TBATA: variants seen among roughly 807,000 people sequenced by gnomAD.
The protein encoded by TBATA is protein TBATA.
A neutral mutation model predicts 38.7 loss-of-function variants in TBATA; 47 were observed. The ratio of observed to expected loss-of-function variants is 1.21; its 90% confidence interval spans 0.96 to 1.55. The LOEUF is 1.55. Among genes scored for constraint, TBATA ranks in the 40% most tolerant of loss-of-function variants. The pLI, the probability that TBATA is intolerant of heterozygous loss-of-function variation, is 0.00. For missense variants in TBATA, 436 were observed against 435.6 expected (o/e 1.00, Z -0.01); for synonymous variants, 183 against 170.5 (o/e 1.07, Z -0.57).
At position 70,774,290 on chromosome 10, in the gene TBATA, G is replaced by T; in HGVS notation, c.843C>A (p.Ser281=). Reference sequence around the variant, plus strand: ...GGCTTAGGAGCTTTTCTGTAGGGATGGAGACTAGGGGCTGGGGAAGGAGCT... The same window carrying T: ...GGCTTAGGAGCTTTTCTGTAGGGATTGAGACTAGGGGCTGGGGAAGGAGCT... ...VAQLLPQPLV[S]IPTEKLLSQL... is the part of the protein sequence containing the mutation. The change falls in exon 9 of 11, where the codon TCC becomes TCA. Residue 281 remains serine, a synonymous_variant. Coordinates refer to ENST00000456372, the MANE Select transcript of TBATA (RefSeq NM_001318241.2). 6.2e-7 allele frequency: 1 copy of T among 1,610,028 alleles called. No homozygotes were observed. The highest frequency in any genetic ancestry group is 8.5e-7 in the Non-Finnish European group (1 of 1,178,816).
intron 6 of TBATA, among the ~76,000 whole-genome samples, chr10:70,777,544 TC>T (rs1321624769): frequency 6.6e-6 from 1 of 151,990 alleles, no homozygotes; most frequent in Admixed American, 6.6e-5. Context: ...TCCTTGGGCA[TC>T]CCCGGCCCTC....
intron 4 of TBATA, 100 bp downstream of exon 4, chr10:70,781,701 C>A (rs72816539): frequency 8.5e-7 from 1 of 1,175,196 alleles, no homozygotes. Flanking sequence ...CCTCTCTGGG[C>A]CCCAGCCTGG....
chr10:70,785,098 C>A (rs902995122), intron 1 of TBATA, among the ~76,000 whole-genome samples, 187 bp downstream of exon 1: 2 of 152,314 alleles, frequency 1.3e-5, no homozygotes, highest in Middle Eastern at 3.4e-3. Flanking sequence ...TTGTCCAGAG[C>A]GGGACAGGTG....
At chr10:70,784,867 T>G (rs767003450) in intron 1 of TBATA, 94 bp from the exon 2 acceptor site, 1 of 152,252 alleles carries the variant, frequency 6.6e-6, no homozygotes, top group African/African-American at 2.4e-5. Context: ...CCAATTCACA[T>G]ATGGGTTTGT....
At chr10:70,782,692 C>A (rs562116965) in intron 3 of TBATA, 1 of 969,340 alleles carries the variant, frequency 1.0e-6, no homozygotes, top group South Asian at 4.8e-5. Context: ...AGCTTGGGTC[C>A]TCTCTCCTCT....
At chr10:70,774,559 C>T (rs1440256171) in intron 8 of TBATA, among the ~76,000 whole-genome samples, 2 of 152,144 alleles carry the variant, frequency 1.3e-5, no homozygotes, top group Non-Finnish European at 2.9e-5. Context: ...CCTGTCCTGC[C>T]ACATGAGGAT....
In TBATA at chr10:70,774,237, TGAG is replaced by T; in HGVS notation, c.893_895del (p.Pro298del). The T allele has an allele frequency of 6.2e-7, 1 of 1,612,350 alleles. No homozygotes were observed. ...CCTGCAGGGTGGCTCTTGCTTCTCT[TGAG>T]GAGGTTCATGCACTTCTGGAAGCTG... On this transcript the variant is annotated inframe_deletion, in exon 9 of 11. Transcript: ENST00000456372.
At chr10:70,778,506 G>T in intron 6 of TBATA, 51 bp downstream of exon 6, 1 of 1,557,334 alleles carries the variant, frequency 6.4e-7, no homozygotes, top group Non-Finnish European at 8.9e-7. Flanking sequence ...CTTACACAGG[G>T]AAGGATCCGT....
intron 5 of TBATA, 115 bp downstream of exon 5, chr10:70,779,478 G>T: frequency 1.6e-6 from 2 of 1,224,018 alleles, no homozygotes; most frequent in South Asian, 2.3e-5. Context: ...TCCCCCAACG[G>T]ACCTCACTGA....
At chr10:70,775,155 C>T (rs748369645) in intron 8 of TBATA, 34 bp downstream of exon 8, 2 of 1,587,676 alleles carry the variant, frequency 1.3e-6, no homozygotes, top group South Asian at 1.1e-5. Context: ...TTGGCAGCCT[C>T]CACTGAGACA....
intron 5 of TBATA, 51 bp from the exon 6 acceptor site, chr10:70,778,687 C>T (rs777773774): frequency 6.7e-7 from 1 of 1,502,338 alleles, no homozygotes; most frequent in Non-Finnish European, 9.3e-7. Flanking sequence ...GCCCTCCTCC[C>T]CTCCCTGTGC....
At chr10:70,778,375 C>T (rs1843693590) in intron 6 of TBATA, among the ~76,000 whole-genome samples, 182 bp downstream of exon 6, 1 of 152,134 alleles carries the variant, frequency 6.6e-6, no homozygotes, top group African/African-American at 2.4e-5. Flanking sequence ...CCTAAAACCC[C>T]TGCTTGGATT....
chr10:70,778,733 T>C (rs748535478), intron 5 of TBATA, 97 bp from the exon 6 acceptor site: 15 of 1,038,828 alleles, frequency 1.4e-5, no homozygotes, highest in Non-Finnish European at 2.1e-5. Flanking sequence ...CTCTCCTTCC[T>C]GGCCTCCCTG....
chr10:70,771,472 G>A lies in TBATA; in HGVS notation c.974-11C>T. 3 of 1,612,456 alleles carry A rather than the reference G, an allele frequency of 1.9e-6. No homozygotes were observed. Among genetic ancestry groups the A allele is most frequent in the Non-Finnish European group, 2.5e-6 (3 of 1,178,898 alleles). ...CTTCTCCAATGTACTCTAGTGGGAG[G>A]AGAGACAGCAGGCAGGAGAGGACCG... On this transcript the variant is annotated splice_polypyrimidine_tract_variant and intron_variant, in intron 10 of 10. Transcript: ENST00000456372.
At chr10:70,780,823 T>C (rs1433856796) in intron 4 of TBATA, among the ~76,000 whole-genome samples, 1 of 152,086 alleles carries the variant, frequency 6.6e-6, no homozygotes, top group African/African-American at 2.4e-5. Flanking sequence ...CCTCTCACAC[T>C]CCACTTTTAA....
chr10:70,771,279 A>AGG lies in TBATA; in HGVS notation c.*95_*96dup. On this transcript the variant is annotated 3_prime_UTR_variant, in exon 11 of 11. Coordinates refer to ENST00000456372, the MANE Select transcript of TBATA (RefSeq NM_001318241.2). The stretch of plus-strand genomic sequence containing the variant: ...TTTATTTAGTAAGAGTTTTCACGGT[A>AGG]GGGAATCAGGTACTGCTGTGAAGGT... 6.2e-7 allele frequency: 1 copy of AGG among 1,610,084 alleles called. No homozygotes were observed. Among genetic ancestry groups the AGG allele is most frequent in the Non-Finnish European group, 8.5e-7 (1 of 1,177,498 alleles).
intron 10 of TBATA, chr10:70,772,111 G>A (rs893516465): frequency 7.2e-6 from 3 of 414,766 alleles, no homozygotes; most frequent in African/African-American, 2.1e-5. Flanking sequence ...CTAGACTTGG[G>A]TAGAGCTGTA....
Position 70,777,346 on chromosome 10 carries a change from A to G in TBATA, c.508-8T>C. On this transcript the variant is annotated splice_polypyrimidine_tract_variant and splice_region_variant and intron_variant, in intron 6 of 10. Coordinates refer to ENST00000456372, the MANE Select transcript of TBATA (RefSeq NM_001318241.2). Reference sequence around the variant, plus strand: ...CTCCTTCTGCTCCTTCTGCTGGGACAAAAGTGGCCAGAGACTCCAGGCAGT... The same window carrying G: ...CTCCTTCTGCTCCTTCTGCTGGGACGAAAGTGGCCAGAGACTCCAGGCAGT... 6.2e-7 allele frequency: 1 copy of G among 1,610,604 alleles called. No individual in the cohort carries two copies. The highest frequency in any genetic ancestry group is 8.5e-7 in the Non-Finnish European group (1 of 1,178,184).
Position 70,777,323 on chromosome 10 carries a change from C to T in TBATA, c.523G>A (p.Glu175Lys), listed in dbSNP as rs1345208711. 3.1e-6 allele frequency: 5 copies of T among 1,612,754 alleles called. No individual in the cohort carries two copies. The highest frequency in any genetic ancestry group is 2.2e-5 in the East Asian group (1 of 44,856). Residue 175 changes from glutamate to lysine, a missense_variant, in exon 7 of 11, where the codon GAG (glutamate) becomes AAG (lysine). Glu to Lys is a moderately conservative substitution (Grantham distance 56, BLOSUM62 1). Transcript: ENST00000456372. ...GCCCCCTGCTCCCGCAGAGGCTCCTCCTTCTGCTCCTTCTGCTGGGACAAA... is the reference window on the plus strand; with the variant it reads ...GCCCCCTGCTCCCGCAGAGGCTCCTTCTTCTGCTCCTTCTGCTGGGACAAA... ...LKKKEQKEQK[E>K]EPLREQGAKY...
Sources: gnomAD v4.1 joint callset for allele counts (sites outside exome capture counted in the v4.1 genomes callset) on GRCh38, gnomAD v4.1.1 for gene constraint, MANE v1.5 for transcripts, NCBI Gene and HGNC (gene_info 2026-07-23, HGNC 2026-07-21) for gene names.